CPED1: variants seen among roughly 807,000 people sequenced by gnomAD.
The protein encoded by CPED1 is cadherin like and PC-esterase domain containing 1.
In CPED1, 114 loss-of-function variants were observed where a neutral mutation model predicts 128.2. That is an observed-to-expected ratio of 0.89 (90% CI 0.76 to 1.04). The LOEUF (loss-of-function observed/expected upper bound fraction) is 1.04. Ranked by LOEUF, CPED1 falls within the 50% of genes least tolerant of loss-of-function variation. CPED1 has a pLI of 0.00. For missense variants in CPED1, 1,211 were observed against 1,207.1 expected (o/e 1.00, Z -0.05); for synonymous variants, 462 against 426.7 (o/e 1.08, Z -1.02).
rs185797361 is a variant in CPED1, at chr7:121,153,819, T to A, written c.2055+11678T>A. On this transcript the variant is annotated intron_variant, in intron 16 of 22. Coordinates refer to ENST00000310396, the MANE Select transcript of CPED1 (RefSeq NM_024913.5). ...TTTAAAAAATAAATATATTGAAAAATTTTTTGAAGATTTTCTGACAATTTG... is the reference window on the plus strand; with the variant it reads ...TTTAAAAAATAAATATATTGAAAAAATTTTTGAAGATTTTCTGACAATTTG... 6.6e-3 allele frequency among the ~76,000 whole-genome samples: 1,007 copies of A among 152,258 alleles called. 11 individuals carry two copies. Among genetic ancestry groups the A allele is most frequent in the African/African-American group, 0.022 (934 of 41,544 alleles).
At chr7:121,063,526 A>G (rs919113833) in intron 4 of CPED1, among the ~76,000 whole-genome samples, 7 of 151,992 alleles carry the variant, frequency 4.6e-5, no homozygotes, top group African/African-American at 1.7e-4. Context: ...GTGCTGCAAT[A>G]CTTTATTAGG....
At chr7:121,227,292 A>T (rs563277732) in intron 16 of CPED1, among the ~76,000 whole-genome samples, 48 of 152,060 alleles carry the variant, frequency 3.2e-4, no homozygotes, top group Non-Finnish European at 6.0e-4. Flanking sequence ...CTATATACTG[A>T]CAATAGCTTC....
intron 16 of CPED1, among the ~76,000 whole-genome samples, chr7:121,145,070 C>CTG (rs35348547): frequency 0.64 from 97,447 of 151,336 alleles, 31,692 homozygotes; most frequent in East Asian, 0.89. Context: ...ATTTAATTAA[C>CTG]TGCATTTAAG....
intron 4 of CPED1, among the ~76,000 whole-genome samples, chr7:121,063,262 G>A (rs1481908171): frequency 2.6e-5 from 4 of 151,418 alleles, no homozygotes; most frequent in Admixed American, 2.6e-4. Flanking sequence ...CAGTTGCCAA[G>A]CACTTTAAAT....
At chr7:121,227,627 C>T (rs1170606177) in intron 16 of CPED1, among the ~76,000 whole-genome samples, 4 of 151,972 alleles carry the variant, frequency 2.6e-5, no homozygotes, top group African/African-American at 7.2e-5. Flanking sequence ...TAAGATGAAG[C>T]GGCAGAGGTC....
intron 4 of CPED1, among the ~76,000 whole-genome samples, chr7:121,052,755 T>G (rs996106562): frequency 6.6e-6 from 1 of 152,146 alleles, no homozygotes; most frequent in Non-Finnish European, 1.5e-5. Flanking sequence ...AGAGTCTCAC[T>G]CTGTCTCTCA....
intron 22 of CPED1, among the ~76,000 whole-genome samples, chr7:121,279,132 A>G (rs1792385972): frequency 2.6e-5 from 4 of 152,124 alleles, no homozygotes. Context: ...CCTCCACCTT[A>G]TGGGTTCTCA....
At chr7:121,075,438 G>T (rs10255706) in intron 5 of CPED1, among the ~76,000 whole-genome samples, 70,105 of 151,920 alleles carry the variant, frequency 0.46, 16,466 homozygotes, top group East Asian at 0.61. Flanking sequence ...ACAGTGCCAT[G>T]CATGGTCTCA....
chr7:121,125,315 T>C (rs1795477217), intron 8 of CPED1, among the ~76,000 whole-genome samples: 1 of 152,162 alleles, frequency 6.6e-6, no homozygotes, highest in Non-Finnish European at 1.5e-5. Flanking sequence ...TATTTTACTT[T>C]AAGTTCTGGG....
At chr7:121,124,571 AGGT>A (rs1795460221) in intron 8 of CPED1, 98 bp downstream of exon 8, 2 of 971,200 alleles carry the variant, frequency 2.1e-6, no homozygotes, top group Non-Finnish European at 2.8e-6. Context: ...TATCATAAGT[AGGT>A]GGTACTTGGA....
intron 16 of CPED1, among the ~76,000 whole-genome samples, chr7:121,204,447 T>C (rs1036353249): frequency 2.0e-5 from 3 of 152,160 alleles, no homozygotes; most frequent in Non-Finnish European, 4.4e-5. Context: ...ATTTCAAGTC[T>C]ACCAGTCCAC....
At chr7:121,195,514 A>G (rs1364244335) in intron 16 of CPED1, among the ~76,000 whole-genome samples, 1 of 152,138 alleles carries the variant, frequency 6.6e-6, no homozygotes, top group Non-Finnish European at 1.5e-5. Flanking sequence ...CAGTTATGCT[A>G]GGTTGAGAAT....
At chr7:121,294,860 C>T (rs997582527) in intron 22 of CPED1, among the ~76,000 whole-genome samples, 3 of 148,730 alleles carry the variant, frequency 2.0e-5, no homozygotes, top group Admixed American at 1.3e-4. Flanking sequence ...TCCAAATATA[C>T]GAAGTTATTA....
intron 5 of CPED1, among the ~76,000 whole-genome samples, chr7:121,093,456 T>A (rs948683896): frequency 1.3e-5 from 2 of 149,582 alleles, no homozygotes; most frequent in Non-Finnish European, 3.0e-5. Flanking sequence ...CCAGGACTTG[T>A]GGCTACTGAG....
chr7:121,261,517 A>G, intron 18 of CPED1: 1 of 1,416,788 alleles, frequency 7.1e-7, no homozygotes, highest in South Asian at 1.3e-5. Flanking sequence ...TCCTGACATT[A>G]GGTATTTGGC....
At chr7:121,167,226 G>A (rs1474283472) in intron 16 of CPED1, among the ~76,000 whole-genome samples, 1 of 152,120 alleles carries the variant, frequency 6.6e-6, no homozygotes, top group Admixed American at 6.5e-5. Flanking sequence ...TTTGAAGTTG[G>A]TCTGCTTACA....
At chr7:121,028,575 G>A (rs1194342406) in intron 3 of CPED1, among the ~76,000 whole-genome samples, 1 of 152,104 alleles carries the variant, frequency 6.6e-6, no homozygotes, top group Non-Finnish European at 1.5e-5. Flanking sequence ...GACTGTCTTT[G>A]GACACACCGA....
chr7:121,168,114 A>G (rs1177346239), intron 16 of CPED1, among the ~76,000 whole-genome samples: 4 of 152,182 alleles, frequency 2.6e-5, no homozygotes, highest in Non-Finnish European at 2.9e-5. Flanking sequence ...CTATGTATGC[A>G]GAGCAGTTCA....
At chr7:121,093,081 T>C (rs1431720792) in intron 5 of CPED1, among the ~76,000 whole-genome samples, 1 of 152,176 alleles carries the variant, frequency 6.6e-6, no homozygotes, top group African/African-American at 2.4e-5. Context: ...TTCTATTGTT[T>C]TCAAAGCACA....
Sources: allele counts gnomAD v4.1 joint callset (sites outside exome capture counted in the v4.1 genomes callset), GRCh38; gene constraint gnomAD v4.1.1; transcripts MANE v1.5; gene names NCBI Gene and HGNC (gene_info 2026-07-23, HGNC 2026-07-21).